The following OR51I2 variants were observed in gnomAD, a reference collection of about 807,000 sequenced individuals.
OR51I2 encodes the protein olfactory receptor 51I2.
Under a neutral mutation model 9.3 loss-of-function variants are expected in OR51I2, and 6 were observed. The ratio of observed to expected loss-of-function variants is 0.64; its 90% CI spans 0.35 to 1.27. OR51I2 has a LOEUF of 1.27. Among genes scored for constraint, OR51I2 ranks in the 50% most tolerant of loss-of-function variants. The pLI, the probability that OR51I2 is intolerant of heterozygous loss-of-function variation, is 0.03. For missense variants in OR51I2, 489 were observed against 396.4 expected (o/e 1.23, Z -1.98); for synonymous variants, 179 against 143.1 (o/e 1.25, Z -1.79).
In OR51I2 at chr11:5,453,538, T is replaced by A. The variant is rs773209144; in HGVS notation, c.50T>A (p.Ile17Asn). ...THPAFFLLTG[I>N]PGLESSHSWL... ...CCTGCATTCTTCCTCCTGACTGGTATCCCTGGTCTGGAGAGCTCTCACTCC... is the reference window on the plus strand; with the variant it reads ...CCTGCATTCTTCCTCCTGACTGGTAACCCTGGTCTGGAGAGCTCTCACTCC... Residue 17 changes from isoleucine to asparagine, a missense_variant, in exon 2 of 2, where the codon ATC (isoleucine) becomes AAC (asparagine). Ile to Asn is a moderately radical substitution (Grantham distance 149, BLOSUM62 -3). Coordinates refer to ENST00000641930, the MANE Select transcript of OR51I2 (RefSeq NM_001004754.3). 2 of 1,597,738 alleles carry A rather than the reference T, an allele frequency of 1.3e-6. No homozygotes were observed. The highest frequency in any genetic ancestry group is 2.7e-5 in the African/African-American group (2 of 74,332).
chr11:5,454,471 C>T lies in OR51I2; in HGVS notation c.*44C>T. ...GAATCTGTTATTTTGGCCATAGGCTCTCATCAGTAGCATCGTCATCATCAT... is the reference window on the plus strand; with the variant it reads ...GAATCTGTTATTTTGGCCATAGGCTTTCATCAGTAGCATCGTCATCATCAT... On this transcript the variant is annotated 3_prime_UTR_variant, in exon 2 of 2. Coordinates refer to ENST00000641930, the MANE Select transcript of OR51I2 (RefSeq NM_001004754.3). 6.9e-7 allele frequency: 1 copy of T among 1,444,970 alleles called. No homozygotes were observed. The highest frequency in any genetic ancestry group is 1.2e-5 in the South Asian group (1 of 81,022). 89.5% of individuals were successfully genotyped at this position (1,444,970 alleles called of 1,614,324 possible). A position where few individuals can be genotyped will look rare whatever the true frequency, so the allele number is the denominator to read the frequency against.
Position 5,452,771 on chromosome 11 carries a change from C to T in OR51I2, c.-230-488C>T, listed in dbSNP as rs1011212995. Among the ~76,000 whole-genome samples the T allele has an allele frequency of 5.3e-5, 8 of 152,256 alleles. No individual in the cohort carries two copies. The East Asian group carries it at 1.4e-3, about 26-fold the overall frequency. ...TATTTGGAACAATGCTCTCCCACAC[C>T]GAATGCTAGTGTACCTATAGAATAT... On this transcript the variant is annotated intron_variant, in intron 1 of 1. Transcript: ENST00000641930.
In OR51I2 at chr11:5,455,645, G is replaced by T. The variant is rs1850945816; in HGVS notation, c.*1218G>T. On this transcript the variant is annotated 3_prime_UTR_variant, in exon 2 of 2. Coordinates refer to ENST00000641930, the MANE Select transcript of OR51I2 (RefSeq NM_001004754.3). ...AAAGAGAGAGAGAGAGATGCACTAG[G>T]TAGTCTAACTTAACTCACCATGGAA... 1 of 151,878 alleles carries T rather than the reference G, an allele frequency of 6.6e-6. No homozygotes were observed. Among genetic ancestry groups the T allele is most frequent in the Non-Finnish European group, 1.5e-5 (1 of 67,972 alleles). 9.4% of individuals were successfully genotyped at this position (151,878 alleles called of 1,614,324 possible). A position where few individuals can be genotyped will look rare whatever the true frequency, so the allele number is the denominator to read the frequency against.
intron 1 of OR51I2, among the ~76,000 whole-genome samples, chr11:5,450,415 A>G (rs1850826670): frequency 6.6e-6 from 1 of 152,152 alleles, no homozygotes; most frequent in South Asian, 2.1e-4. Flanking sequence ...TAATTAATTA[A>G]TGAATAAAAA....
At chr11:5,449,650 G>A (rs900326713) in intron 1 of OR51I2, among the ~76,000 whole-genome samples, 10 of 152,248 alleles carry the variant, frequency 6.6e-5, no homozygotes, top group Middle Eastern at 3.4e-3. Context: ...AAAGGTCAAA[G>A]TTTCTGTGGC....
At chr11:5,452,659 T>C (rs10838134) in intron 1 of OR51I2, among the ~76,000 whole-genome samples, 60,077 of 151,460 alleles carry the variant, frequency 0.4, 13,132 homozygotes, top group Non-Finnish European at 0.5. Context: ...GCTTTCTTAC[T>C]ACCTGTTGTG....
intron 1 of OR51I2, among the ~76,000 whole-genome samples, chr11:5,451,682 A>G (rs17295737): frequency 0.12 from 18,652 of 152,194 alleles, 1,482 homozygotes; most frequent in Admixed American, 0.18. Flanking sequence ...TAGATACCTC[A>G]TATGTTCCTG....
In OR51I2 at chr11:5,454,986, T is replaced by TC. The variant is rs1850928896; in HGVS notation, c.*563dup. The TC allele has an allele frequency of 6.6e-6, 1 of 152,462 alleles. No homozygotes were observed. Among genetic ancestry groups the TC allele is most frequent in the Non-Finnish European group, 1.5e-5 (1 of 68,278 alleles). 9.4% of individuals were successfully genotyped at this position (152,462 alleles called of 1,614,324 possible). A position where few individuals can be genotyped will look rare whatever the true frequency, so the allele number is the denominator to read the frequency against. On this transcript the variant is annotated 3_prime_UTR_variant, in exon 2 of 2. Transcript: ENST00000641930. ...AACATTACCATTGCTGCCTTTGCTT[T>TC]CCCCACCACTGTCATTCTCAAACAC...
In OR51I2 at chr11:5,453,933, G is replaced by A; in HGVS notation, c.445G>A (p.Ala149Thr). Residue 149 changes from alanine (A) to threonine (T), a missense_variant, in exon 2 of 2, where the codon GCT (alanine) becomes ACT (threonine). Ala to Thr is a moderately conservative substitution (Grantham distance 58). Coordinates refer to ENST00000641930, the MANE Select transcript of OR51I2 (RefSeq NM_001004754.3). Reference protein sequence around the residue: ...EVIAAMGLGAAARSFITLFPL... With the variant: ...EVIAAMGLGATARSFITLFPL... ...CATTGCTGCAATGGGTTTAGGTGCA[G>A]CTGCTCGAAGCTTCATCACCCTTTT... 6.2e-7 allele frequency: 1 copy of A among 1,614,176 alleles called. No individual in the cohort carries two copies. Among genetic ancestry groups the A allele is most frequent in the South Asian group, 1.1e-5 (1 of 91,076 alleles).
rs1249208716 is a variant in OR51I2, at chr11:5,454,111, G to T, written c.623G>T (p.Gly208Val). The T allele has an allele frequency of 5.0e-6, 8 of 1,614,056 alleles. No homozygotes were observed. Among genetic ancestry groups the T allele is most frequent in the Non-Finnish European group, 6.8e-6 (8 of 1,180,020 alleles). The change falls in exon 2 of 2, where the codon GGC becomes GTC. Residue 208 changes from glycine (G) to valine (V), a missense_variant. Coordinates refer to ENST00000641930, the MANE Select transcript of OR51I2 (RefSeq NM_001004754.3). ...YGLFVLVSTF[G>V]MDLFFIFLSY... ...CTCTTTGTTCTTGTATCCACCTTTG[G>T]CATGGACCTGTTTTTTATCTTCCTC...
intron 1 of OR51I2, among the ~76,000 whole-genome samples, chr11:5,452,173 G>A (rs1270185843): frequency 1.3e-5 from 2 of 151,982 alleles, no homozygotes; most frequent in East Asian, 3.9e-4. Flanking sequence ...AGTGCAGACT[G>A]AGAGTATGAG....
Position 5,456,130 on chromosome 11 carries a change from A to C in OR51I2, c.*1703A>C, listed in dbSNP as rs1364871730. ...TAGGGAAGCCGCCAAATGAAAGTAA[A>C]CTCTCACTGATTCCTACCTCAGAAG... is the stretch of plus-strand genomic sequence containing the variant. On this transcript the variant is annotated 3_prime_UTR_variant, in exon 2 of 2. Transcript: ENST00000641930. The C allele has an allele frequency of 6.6e-6, 1 of 152,162 alleles. No individual in the cohort carries two copies. Among genetic ancestry groups the C allele is most frequent in the Non-Finnish European group, 1.5e-5 (1 of 68,018 alleles). The allele number at this position is 152,162 out of a possible 1,614,324, so 9.4% of individuals were successfully genotyped here. A position where few individuals can be genotyped will look rare whatever the true frequency, so the allele number is the denominator to read the frequency against.
Position 5,453,290 on chromosome 11 carries a change from C to T in OR51I2, c.-199C>T, listed in dbSNP as rs117403976. On this transcript the variant is annotated 5_prime_UTR_variant, in exon 2 of 2. Transcript: ENST00000641930. The stretch of plus-strand genomic sequence containing the variant: ...ATATTAGCTCAGCCTGCAGGCTGAT[C>T]ATCATAAAATATGAAGAAAAGGAGT... The T allele has an allele frequency of 0.012, 4,862 of 422,180 alleles. 60 individuals are homozygous for T. The highest frequency in any genetic ancestry group is 0.027 in the Admixed American group (690 of 25,098). 26.2% of individuals were successfully genotyped at this position (422,180 alleles called of 1,614,324 possible).
chr11:5,454,130 C>A lies in OR51I2; in HGVS notation c.642C>A (p.Ile214=), dbSNP rs759540141. The part of the protein sequence containing the change: ...VSTFGMDLFF[I]FLSYVLILRS... ...CCTTTGGCATGGACCTGTTTTTTAT[C>A]TTCCTCTCCTATGTGCTCATTCTGC... is the stretch of plus-strand genomic sequence containing the variant. The change falls in exon 2 of 2, where the codon ATC becomes ATA. Residue 214 remains isoleucine (I), a synonymous_variant. Coordinates refer to ENST00000641930, the MANE Select transcript of OR51I2 (RefSeq NM_001004754.3). The A allele has an allele frequency of 1.9e-6, 3 of 1,614,146 alleles. No individual in the cohort carries two copies. Among genetic ancestry groups the A allele is most frequent in the Admixed American group, 1.7e-5 (1 of 60,016 alleles).
chr11:5,450,939 A>G (rs956080704), intron 1 of OR51I2, among the ~76,000 whole-genome samples: 1 of 152,200 alleles, frequency 6.6e-6, no homozygotes, highest in South Asian at 2.1e-4. Flanking sequence ...AAAGTAAAAA[A>G]AAAAGAAAAA....
intron 1 of OR51I2, among the ~76,000 whole-genome samples, chr11:5,452,454 G>A (rs1232467065): frequency 1.5e-5 from 2 of 136,146 alleles, no homozygotes; most frequent in African/African-American, 5.5e-5. Context: ...GCAGTGAGCC[G>A]AGATTGCACC....
chr11:5,451,832 C>T (rs933735618), intron 1 of OR51I2, among the ~76,000 whole-genome samples: 1 of 152,126 alleles, frequency 6.6e-6, no homozygotes, highest in Non-Finnish European at 1.5e-5. Context: ...TGAGGGTGAC[C>T]TATTAGCTTG....
chr11:5,454,503 A>C lies in OR51I2; in HGVS notation c.*76A>C, dbSNP rs1292718278. The C allele has an allele frequency of 8.4e-7, 1 of 1,185,036 alleles. No homozygotes were observed. Among genetic ancestry groups the C allele is most frequent in the Non-Finnish European group, 1.2e-6 (1 of 836,160 alleles). 73.4% of individuals were successfully genotyped at this position (1,185,036 alleles called of 1,614,324 possible). A position where few individuals can be genotyped will look rare whatever the true frequency, so the allele number is the denominator to read the frequency against. On this transcript the variant is annotated 3_prime_UTR_variant, in exon 2 of 2. Transcript: ENST00000641930. ...GTAGCATCGTCATCATCATCATCAAAGTATAAGATAGATTGTGTGCTGCGG... is the reference window on the plus strand; with the variant it reads ...GTAGCATCGTCATCATCATCATCAACGTATAAGATAGATTGTGTGCTGCGG...
Position 5,452,552 on chromosome 11 carries a change from G to C in OR51I2, c.-230-707G>C, listed in dbSNP as rs187040042. On this transcript the variant is annotated intron_variant, in intron 1 of 1. Coordinates refer to ENST00000641930, the MANE Select transcript of OR51I2 (RefSeq NM_001004754.3). Reference sequence around the variant, plus strand: ...AAAAAAAAAAAAAAAAAATCAACAGGGACTGTTTGAATATATTTGCACAAC... The same window carrying C: ...AAAAAAAAAAAAAAAAAATCAACAGCGACTGTTTGAATATATTTGCACAAC... Among the ~76,000 whole-genome samples, 118 of 132,864 alleles carry C rather than the reference G, an allele frequency of 8.9e-4. 3 individuals are homozygous for C. In the East Asian group the frequency reaches 0.024, roughly 26 times the overall value. 87.2% of individuals were successfully genotyped at this position (132,864 alleles called of 152,430 possible). A position where few individuals can be genotyped will look rare whatever the true frequency, so the allele number is the denominator to read the frequency against.
Sources: gnomAD v4.1 joint callset for allele counts (sites outside exome capture counted in the v4.1 genomes callset) on GRCh38, gnomAD v4.1.1 for gene constraint, MANE v1.5 for transcripts, NCBI Gene and HGNC (gene_info 2026-07-23, HGNC 2026-07-21) for gene names.